Variants in ARHGAP8 observed in about 807,000 individuals in gnomAD.
ARHGAP8 encodes Rho GTPase activating protein 8, also known as rho GTPase-activating protein 8.
A neutral mutation model predicts 46.1 loss-of-function variants in ARHGAP8; 62 were observed. The observed-to-expected ratio is 1.34, with a 90% CI of 1.10 to 1.66. The LOEUF is 1.66. Among genes scored for constraint, ARHGAP8 ranks in the 40% most tolerant of loss-of-function variants. ARHGAP8 has a pLI of 0.00. For synonymous variants in ARHGAP8, 375 were observed against 243.1 expected (o/e 1.54, Z -5.05); for missense variants, 923 against 568.4 (o/e 1.62, Z -6.34).
At chr22:44,767,350 C>G (rs529713463) in intron 1 of ARHGAP8, among the ~76,000 whole-genome samples, 2 of 152,282 alleles carry the variant, frequency 1.3e-5, no homozygotes, top group South Asian at 4.1e-4. Flanking sequence ...CTCTCTCTCT[C>G]TTTTAGCTGA....
intron 2 of ARHGAP8, among the ~76,000 whole-genome samples, chr22:44,791,022 C>G (rs1048545820): frequency 6.6e-6 from 1 of 152,072 alleles, no homozygotes; most frequent in Admixed American, 6.6e-5. Context: ...CGTGAGCCAC[C>G]GCACCTGGAA....
chr22:44,810,479 A>T (rs1929255991), intron 4 of ARHGAP8, among the ~76,000 whole-genome samples: 1 of 152,092 alleles, frequency 6.6e-6, no homozygotes, highest in African/African-American at 2.4e-5. Flanking sequence ...TGACCTCGTG[A>T]TCCGCCTGCC....
At chr22:44,821,323 G>A (rs1433783662) in intron 5 of ARHGAP8, among the ~76,000 whole-genome samples, 1 of 151,976 alleles carries the variant, frequency 6.6e-6, no homozygotes, top group Non-Finnish European at 1.5e-5. Context: ...CAGCTACTTG[G>A]GAGGCTGAGG....
intron 1 of ARHGAP8, among the ~76,000 whole-genome samples, chr22:44,763,909 C>T (rs1316814227): frequency 6.7e-6 from 1 of 150,148 alleles, no homozygotes; most frequent in Non-Finnish European, 1.5e-5. Context: ...CTCCTGGGTT[C>T]ACGCCATTCT....
intron 1 of ARHGAP8, among the ~76,000 whole-genome samples, chr22:44,771,219 A>G (rs1163466817): frequency 6.7e-6 from 1 of 149,140 alleles, no homozygotes; most frequent in African/African-American, 2.5e-5. Context: ...TTTTACTTAG[A>G]TGATCATGTA....
chr22:44,821,933 T>A (rs752041817), intron 5 of ARHGAP8, among the ~76,000 whole-genome samples: 3 of 149,388 alleles, frequency 2.0e-5, no homozygotes, highest in Admixed American at 6.6e-5. Flanking sequence ...TGGCCAAATG[T>A]GAAGCCACCA....
chr22:44,820,294 G>T (rs1343010171), intron 5 of ARHGAP8, among the ~76,000 whole-genome samples: 1 of 152,204 alleles, frequency 6.6e-6, no homozygotes. Context: ...TGCAGGACAG[G>T]TCAGGGAGGT....
chr22:44,837,742 T>A (rs1341690230), intron 7 of ARHGAP8, among the ~76,000 whole-genome samples: 2 of 152,102 alleles, frequency 1.3e-5, no homozygotes, highest in African/African-American at 2.4e-5. Flanking sequence ...GGGTTTCTGC[T>A]CTATGGAGAG....
intron 7 of ARHGAP8, among the ~76,000 whole-genome samples, chr22:44,844,063 C>T (rs952280520): frequency 1.3e-5 from 2 of 152,200 alleles, no homozygotes; most frequent in Admixed American, 6.5e-5. Flanking sequence ...CTTCCGCCTC[C>T]TGGGTTCAAG....
chr22:44,786,355 C>T lies in ARHGAP8; in HGVS notation c.-71-102C>T. 5 of 1,451,798 alleles carry T rather than the reference C, an allele frequency of 3.4e-6. No individual in the cohort carries two copies. In the Admixed American group the frequency reaches 6.6e-5, roughly 19 times the overall value. The allele number at this position is 1,451,798 out of a possible 1,614,324, so 89.9% of individuals were successfully genotyped here. A position where few individuals can be genotyped will look rare whatever the true frequency, so the allele number is the denominator to read the frequency against. On this transcript the variant is annotated intron_variant, in intron 1 of 11. Transcript: ENST00000356099. ...TGAGGTAGGGCGCGTAGTGGGTGTG[C>T]AGCAGAGGTGGGTGACTGTCTTATG...
intron 6 of ARHGAP8, among the ~76,000 whole-genome samples, chr22:44,823,307 G>A (rs7290106): frequency 0.22 from 33,981 of 152,022 alleles, 5,067 homozygotes; most frequent in Non-Finnish European, 0.31. Flanking sequence ...TGGTGTGTGG[G>A]GGTAATCCAG....
intron 5 of ARHGAP8, 95 bp downstream of exon 5, chr22:44,814,853 G>A (rs1314117266): frequency 4.9e-6 from 7 of 1,429,088 alleles, no homozygotes; most frequent in Non-Finnish European, 5.8e-6. Flanking sequence ...ATCATGGAGG[G>A]CCCGTCTCCA....
chr22:44,754,168 C>T (rs939783396), intron 1 of ARHGAP8, among the ~76,000 whole-genome samples: 4 of 152,006 alleles, frequency 2.6e-5, no homozygotes, highest in African/African-American at 4.8e-5. Context: ...GGAAGGGCTT[C>T]CTGGAGGAGG....
chr22:44,847,838 A>G (rs954211685), intron 8 of ARHGAP8, 135 bp from the exon 9 acceptor site: 18 of 1,161,628 alleles, frequency 1.5e-5, no homozygotes, highest in Non-Finnish European at 2.1e-5. Context: ...GAATATGGAA[A>G]GGATTTGAGG....
chr22:44,806,880 C>T (rs537604686), intron 3 of ARHGAP8, among the ~76,000 whole-genome samples: 4 of 151,302 alleles, frequency 2.6e-5, no homozygotes, highest in Non-Finnish European at 5.9e-5. Context: ...ACGAGAACGG[C>T]GTGAATCCAG....
At position 44,845,404 on chromosome 22, in the gene ARHGAP8, G is replaced by C. The variant is rs1056658915; in HGVS notation, c.670+62G>C. On this transcript the variant is annotated intron_variant, in intron 8 of 11. Transcript: ENST00000356099. ...GCTGCTGGGTGCACCTCTCTGGGTG[G>C]TTTGTCTTGGATCCTGAGCACCCAC... 4.4e-6 allele frequency: 7 copies of C among 1,608,304 alleles called. No homozygotes were observed. In the Admixed American group the frequency reaches 1.0e-4, roughly 23 times the overall value.
chr22:44,829,118 CAAAAAAAAAAAAAA>C (rs57906111), intron 7 of ARHGAP8, among the ~76,000 whole-genome samples: 3 of 49,376 alleles, frequency 6.1e-5, no homozygotes, highest in South Asian at 1.2e-3. Context: ...ACTAAAAATA[CAAAAAAAAAAAAAA>C]AAAAAAAAAA....
intron 5 of ARHGAP8, 71 bp from the exon 6 acceptor site, chr22:44,822,300 C>T: frequency 7.4e-7 from 1 of 1,346,438 alleles, no homozygotes; most frequent in Non-Finnish European, 1.0e-6. Context: ...AACTCCCCCT[C>T]CCTCCCTGCA....
chr22:44,761,422 T>C (rs1017378689), intron 1 of ARHGAP8, among the ~76,000 whole-genome samples: 3 of 152,346 alleles, frequency 2.0e-5, no homozygotes, highest in Admixed American at 6.5e-5. Flanking sequence ...AACAACACAA[T>C]GTAAGAACTA....
Sources: allele counts gnomAD v4.1 joint callset (sites outside exome capture counted in the v4.1 genomes callset), GRCh38; gene constraint gnomAD v4.1.1; transcripts MANE v1.5; gene names NCBI Gene and HGNC (gene_info 2026-07-23, HGNC 2026-07-21).